Variants in ZBBX observed in about 807,000 individuals in gnomAD.
ZBBX encodes zinc finger B-box domain containing.
Under a neutral mutation model 108.5 loss-of-function variants are expected in ZBBX, and 101 were observed. The observed-to-expected ratio is 0.93, with a 90% CI of 0.79 to 1.10. The LOEUF (loss-of-function observed/expected upper bound fraction) is 1.10, where lower values mean the gene tolerates loss of function less well. ZBBX is among the 50% of genes least tolerant of loss of function. The pLI is 0.00. For missense variants in ZBBX, 1,009 were observed against 941.4 expected (o/e 1.07, Z -0.94); for synonymous variants, 356 against 323.4 (o/e 1.10, Z -1.08).
chr3:167,333,036 C>A (rs1213268487), intron 10 of ZBBX, among the ~76,000 whole-genome samples: 1 of 151,974 alleles, frequency 6.6e-6, no homozygotes, highest in African/African-American at 2.4e-5. Context: ...GAAATCCACA[C>A]AAATATGCTG....
At chr3:167,283,607 T>C (rs1167032631) in intron 19 of ZBBX, among the ~76,000 whole-genome samples, 1 of 152,210 alleles carries the variant, frequency 6.6e-6, no homozygotes, top group African/African-American at 2.4e-5. Flanking sequence ...GCGGTAATCA[T>C]GTATTAAATA....
chr3:167,308,621 T>C (rs1248241348), intron 16 of ZBBX, among the ~76,000 whole-genome samples: 4 of 152,102 alleles, frequency 2.6e-5, no homozygotes, highest in African/African-American at 9.7e-5. Context: ...TGGAATACTA[T>C]GAAGAAAAAC....
chr3:167,326,660 T>C (rs140001787), intron 11 of ZBBX, among the ~76,000 whole-genome samples: 24 of 151,658 alleles, frequency 1.6e-4, no homozygotes, highest in African/African-American at 5.8e-4. Context: ...ATAAAGCACA[T>C]AAAATAACAC....
chr3:167,182,242 A>G, the ZBBX span, among the ~76,000 whole-genome samples: 1 of 152,174 alleles, frequency 6.6e-6, no homozygotes. Flanking sequence ...ACAAAGTAGC[A>G]TTATGCAGAT....
Position 167,288,365 on chromosome 3 carries a change from G to A in ZBBX, c.1996+502C>T, listed in dbSNP as rs62279772. Among the ~76,000 whole-genome samples the A allele has an allele frequency of 2.4e-3, 370 of 152,232 alleles. 2 individuals carry two copies. Among genetic ancestry groups the A allele is most frequent in the Non-Finnish European group, 4.1e-3 (276 of 68,016 alleles). ...ACTTTGTTTAGAGAATAGAGGTAAT[G>A]AACTGAAATGAAGATTCCAGGGTCA... On this transcript the variant is annotated intron_variant, in intron 19 of 21. Transcript: ENST00000675490.
chr3:167,264,680 T>A (rs1725168681), intron 20 of ZBBX, among the ~76,000 whole-genome samples: 1 of 152,268 alleles, frequency 6.6e-6, no homozygotes, highest in African/African-American at 2.4e-5. Flanking sequence ...TATACTATTC[T>A]GTGCTTTTTT....
At position 167,350,546 on chromosome 3, in the gene ZBBX, A is replaced by G. The variant is rs374499738; in HGVS notation, c.433-31T>C. The G allele has an allele frequency of 2.0e-5, 29 of 1,424,156 alleles. No individual in the cohort carries two copies. The African/African-American group carries it at 4.0e-4, about 20-fold the overall frequency. The allele number at this position is 1,424,156 out of a possible 1,614,324, so 88.2% of individuals were successfully genotyped here. ...AAGATATTTTTTAAAAAATTATACA[A>G]TCTTATAAAATAGTATGATTTTTAG... On this transcript the variant is annotated intron_variant, in intron 8 of 21. Coordinates refer to ENST00000675490, the MANE Select transcript of ZBBX (RefSeq NM_001199201.2).
chr3:167,222,490 G>T, the ZBBX span, among the ~76,000 whole-genome samples: 1 of 151,768 alleles, frequency 6.6e-6, no homozygotes, highest in Non-Finnish European at 1.5e-5. Flanking sequence ...ACATTACGAT[G>T]AATAAGATCT....
chr3:167,261,565 A>G (rs1325315913), intron 20 of ZBBX, among the ~76,000 whole-genome samples: 2 of 151,644 alleles, frequency 1.3e-5, no homozygotes, highest in African/African-American at 4.9e-5. Context: ...ACCTAGAAGG[A>G]TTATGGCTGC....
chr3:167,366,039 G>C, intron 5 of ZBBX, 63 bp from the exon 6 acceptor site: 1 of 1,255,488 alleles, frequency 8.0e-7, no homozygotes, highest in Non-Finnish European at 1.1e-6. Flanking sequence ...TTAATGAAAA[G>C]AAATACAGTG....
intron 11 of ZBBX, among the ~76,000 whole-genome samples, chr3:167,326,385 T>G (rs143408026): frequency 1.7e-4 from 26 of 152,260 alleles, no homozygotes; most frequent in African/African-American, 5.5e-4. Context: ...ATGATGAGAC[T>G]GAGGTATTTT....
At chr3:167,232,763 T>C in the ZBBX span, among the ~76,000 whole-genome samples, 1 of 151,730 alleles carries the variant, frequency 6.6e-6, no homozygotes, top group Non-Finnish European at 1.5e-5. Context: ...AAAATCAGAA[T>C]AAAGCTCCAG....
rs374887332 is a variant in ZBBX, at chr3:167,282,246, G to T, written c.2246C>A (p.Ser749Tyr). 8.7e-6 allele frequency: 14 copies of T among 1,608,664 alleles called. No homozygotes were observed. The East Asian group carries it at 2.5e-4, about 28-fold the overall frequency. Residue 749 changes from serine to tyrosine, a missense_variant, in exon 20 of 22, where the codon TCT becomes TAT. Ser to Tyr is a moderately radical substitution (Grantham distance 144). Coordinates refer to ENST00000675490, the MANE Select transcript of ZBBX (RefSeq NM_001199201.2). ...AAAAAAAATAGGATTACCTGCAAGA[G>T]ATCTCAGCACTTGTAATTCTTTTTC... The part of the protein sequence containing the change: ...NLEKELQVLR[S>Y]LADTSEKLYS...
In ZBBX at chr3:167,240,738, C is replaced by A; in HGVS notation, c.*55G>T. 6.3e-7 allele frequency: 1 copy of A among 1,576,794 alleles called. No homozygotes were observed. The highest frequency in any genetic ancestry group is 8.6e-7 in the Non-Finnish European group (1 of 1,160,934). On this transcript the variant is annotated 3_prime_UTR_variant, in exon 22 of 22. Transcript: ENST00000675490. Reference sequence around the variant, plus strand: ...TAGGTAATCACTTGGTTACTTTTCTCAGTTGTTTGCTTTACTCTGGGTACA... The same window carrying A: ...TAGGTAATCACTTGGTTACTTTTCTAAGTTGTTTGCTTTACTCTGGGTACA...
chr3:167,243,631 C>T (rs993894587), intron 20 of ZBBX, among the ~76,000 whole-genome samples: 6 of 151,814 alleles, frequency 4.0e-5, no homozygotes, highest in Non-Finnish European at 5.9e-5. Context: ...CTCCTGACCT[C>T]GTGATCTGCC....
intron 4 of ZBBX, among the ~76,000 whole-genome samples, chr3:167,371,333 G>C (rs1391567026): frequency 1.3e-5 from 2 of 152,128 alleles, no homozygotes; most frequent in Non-Finnish European, 2.9e-5. Flanking sequence ...TGTGGTCTCT[G>C]TGTCTTTGCA....
At chr3:167,325,880 T>C (rs866552903) in intron 11 of ZBBX, among the ~76,000 whole-genome samples, 3 of 152,168 alleles carry the variant, frequency 2.0e-5, no homozygotes, top group African/African-American at 7.2e-5. Flanking sequence ...AATAATTTAT[T>C]GTCAACCAAA....
intron 20 of ZBBX, among the ~76,000 whole-genome samples, chr3:167,267,332 T>C (rs1203165478): frequency 2.0e-5 from 3 of 152,120 alleles, no homozygotes; most frequent in Non-Finnish European, 2.9e-5. Context: ...GGCAAGAGAT[T>C]CCTCATACAA....
chr3:167,221,202 A>C, the ZBBX span, among the ~76,000 whole-genome samples: 1 of 151,934 alleles, frequency 6.6e-6, no homozygotes, highest in African/African-American at 2.4e-5. Flanking sequence ...CAGAAATAGA[A>C]AAATGATCCT....
Sources: allele counts gnomAD v4.1 joint callset (sites outside exome capture counted in the v4.1 genomes callset), GRCh38; gene constraint gnomAD v4.1.1; transcripts MANE v1.5; gene names NCBI Gene and HGNC (gene_info 2026-07-23, HGNC 2026-07-21).